Variants in KIAA0232 observed in about 807,000 individuals in gnomAD.
KIAA0232 encodes KIAA0232.
Under a neutral mutation model 122.0 loss-of-function variants are expected in KIAA0232, and 27 were observed. That is an observed-to-expected ratio of 0.22 (90% CI 0.16 to 0.31). The LOEUF is 0.31. Among genes scored for constraint, KIAA0232 ranks in the 10% least tolerant of loss-of-function variants. The pLI is 1.00. For synonymous variants in KIAA0232, 613 were observed against 587.6 expected (o/e 1.04, Z -0.63); for missense variants, 1,551 against 1,634.2 (o/e 0.95, Z 0.88).
chr4:6,805,372 A>G (rs1441588693), intron 2 of KIAA0232, among the ~76,000 whole-genome samples: 1 of 152,208 alleles, frequency 6.6e-6, no homozygotes, highest in Non-Finnish European at 1.5e-5. Context: ...TTAGGATATG[A>G]ATCAGATAAT....
At chr4:6,792,164 A>G (rs1716925575) in intron 1 of KIAA0232, among the ~76,000 whole-genome samples, 1 of 152,160 alleles carries the variant, frequency 6.6e-6, no homozygotes, top group Non-Finnish European at 1.5e-5. Context: ...CATTGCAAAA[A>G]CAGACTAATA....
At chr4:6,857,343 G>A (rs1276805459) in intron 5 of KIAA0232, 113 bp downstream of exon 5, 1 of 836,280 alleles carries the variant, frequency 1.2e-6, no homozygotes, top group East Asian at 2.9e-5. Context: ...CAAAGTCTTT[G>A]TGTCCAGTGT....
At chr4:6,813,929 T>A (rs1456987090) in intron 2 of KIAA0232, among the ~76,000 whole-genome samples, 1 of 152,090 alleles carries the variant, frequency 6.6e-6, no homozygotes, top group Non-Finnish European at 1.5e-5. Context: ...TCCATCACAC[T>A]GTCACTGCCG....
At chr4:6,870,333 A>T (rs1721406096) in intron 7 of KIAA0232, among the ~76,000 whole-genome samples, 1 of 152,250 alleles carries the variant, frequency 6.6e-6, no homozygotes, top group African/African-American at 2.4e-5. Flanking sequence ...TGTGAAGGAT[A>T]TGAGTCTCTC....
chr4:6,850,187 A>T (rs1720200915), intron 4 of KIAA0232, among the ~76,000 whole-genome samples: 1 of 152,158 alleles, frequency 6.6e-6, no homozygotes, highest in Non-Finnish European at 1.5e-5. Flanking sequence ...GGGGTATGAA[A>T]ACAGATTAAG....
At chr4:6,832,306 A>G (rs1419212214) in intron 3 of KIAA0232, among the ~76,000 whole-genome samples, 1 of 149,666 alleles carries the variant, frequency 6.7e-6, no homozygotes, top group African/African-American at 2.5e-5. Flanking sequence ...TTGTGATTTA[A>G]TTATGTCTCC....
intron 1 of KIAA0232, among the ~76,000 whole-genome samples, chr4:6,783,465 C>A (rs1716453275): frequency 6.6e-6 from 1 of 152,206 alleles, no homozygotes; most frequent in Admixed American, 6.5e-5. Flanking sequence ...AAAGTGGGCG[C>A]GGGAGGAAGG....
At chr4:6,793,589 G>A (rs762920511) in intron 1 of KIAA0232, among the ~76,000 whole-genome samples, 1 of 152,186 alleles carries the variant, frequency 6.6e-6, no homozygotes, top group African/African-American at 2.4e-5. Flanking sequence ...TTATTCATCA[G>A]TCAGGTTCAA....
At chr4:6,872,052 G>A (rs780760112) in intron 8 of KIAA0232, among the ~76,000 whole-genome samples, 45 of 152,224 alleles carry the variant, frequency 3.0e-4, no homozygotes, top group Non-Finnish European at 3.2e-4. Context: ...GCTCAGCTGA[G>A]TTGTAGCTGA....
intron 7 of KIAA0232, 67 bp downstream of exon 7, chr4:6,864,250 C>A: frequency 1.4e-6 from 2 of 1,466,636 alleles, no homozygotes; most frequent in African/African-American, 1.4e-5. Context: ...AACAGACATG[C>A]CAGTCAATGA....
rs1233850602 is a variant in KIAA0232 at position 6,881,678 on chromosome 4, G to T, written c.*712G>T. On this transcript the variant is annotated 3_prime_UTR_variant, in exon 10 of 10. Transcript: ENST00000307659. Reference sequence around the variant, plus strand: ...CGTATGCGAGACACAGTGGGGTAAGGGTGCATACCCCACCCCTTACCTGCT... The same window carrying T: ...CGTATGCGAGACACAGTGGGGTAAGTGTGCATACCCCACCCCTTACCTGCT... 1 of 152,496 alleles carries T rather than the reference G, an allele frequency of 6.6e-6. No homozygotes were observed. The highest frequency in any genetic ancestry group is 2.4e-5 in the African/African-American group (1 of 41,382). The allele number at this position is 152,496 out of a possible 1,614,324, so 9.4% of individuals were successfully genotyped here.
chr4:6,799,948 C>G (rs1717302829), intron 1 of KIAA0232, among the ~76,000 whole-genome samples: 1 of 151,672 alleles, frequency 6.6e-6, no homozygotes, highest in African/African-American at 2.4e-5. Context: ...CCGCCTCGGC[C>G]TCCCAAAGTG....
intron 3 of KIAA0232, among the ~76,000 whole-genome samples, chr4:6,837,440 G>T (rs1335592537): frequency 6.6e-6 from 1 of 151,972 alleles, no homozygotes; most frequent in Admixed American, 6.5e-5. Context: ...CTGGGCGGCC[G>T]GGCAGAGGGG....
At chr4:6,784,723 C>T (rs1248044777) in intron 1 of KIAA0232, among the ~76,000 whole-genome samples, 2 of 152,080 alleles carry the variant, frequency 1.3e-5, no homozygotes, top group Non-Finnish European at 2.9e-5. Flanking sequence ...TTATGTAAGC[C>T]CGTTACATCA....
At chr4:6,823,627 A>G (rs1041108633) in intron 2 of KIAA0232, among the ~76,000 whole-genome samples, 13 of 152,196 alleles carry the variant, frequency 8.5e-5, no homozygotes, top group African/African-American at 2.6e-4. Flanking sequence ...CTCTTCATCT[A>G]CTTATTTCCG....
rs367823638 is a variant in KIAA0232, at chr4:6,862,047, A to C, written c.1665A>C (p.Leu555Phe). ...TTGAGGCAGAATGTTGCATAGTGTT[A>C]GATGGTATGGAGTTGCAAGGGGAAC... ...TDFEAECCIVLDGMELQGERA... is the reference protein window; with the variant it reads ...TDFEAECCIVFDGMELQGERA... The change falls in exon 7 of 10, where the codon TTA becomes TTC. Residue 555 changes from leucine (L) to phenylalanine (F), a missense_variant. This residue lies in a region of KIAA0232 where 1,108 missense variants were observed against 1,154.8 expected (regional missense o/e 0.96). Transcript: ENST00000307659. The C allele has an allele frequency of 1.9e-6, 3 of 1,614,108 alleles. No individual in the cohort carries two copies. In the African/African-American group the frequency reaches 4.0e-5, roughly 22 times the overall value.
At chr4:6,879,902 G>T (rs974045181) in intron 9 of KIAA0232, among the ~76,000 whole-genome samples, 5 of 136,346 alleles carry the variant, frequency 3.7e-5, no homozygotes, top group African/African-American at 1.4e-4. Flanking sequence ...CTCACCATCT[G>T]TACTGTGTCA....
At chr4:6,813,395 C>T (rs1209597805) in intron 2 of KIAA0232, among the ~76,000 whole-genome samples, 2 of 150,644 alleles carry the variant, frequency 1.3e-5, no homozygotes, top group East Asian at 3.9e-4. Flanking sequence ...CGGAGTCTCG[C>T]TCTGTTGCCC....
chr4:6,801,640 C>T (rs1472756065), intron 1 of KIAA0232, among the ~76,000 whole-genome samples: 1 of 151,608 alleles, frequency 6.6e-6, no homozygotes, highest in Non-Finnish European at 1.5e-5. Context: ...ACTATGATTG[C>T]TCCACTGCAC....
Sources: allele counts gnomAD v4.1 joint callset (sites outside exome capture counted in the v4.1 genomes callset), GRCh38; gene constraint gnomAD v4.1.1; regional missense constraint gnomAD v4.1.1; transcripts MANE v1.5; gene names NCBI Gene and HGNC (gene_info 2026-07-23, HGNC 2026-07-21).